The following TBC1D9B variants were observed in gnomAD, a reference collection of about 807,000 sequenced individuals.
The protein encoded by TBC1D9B is TBC1 domain family, member 9B (with GRAM domain).
In TBC1D9B, 87 loss-of-function variants were observed where a neutral mutation model predicts 121.1. That is an observed-to-expected ratio of 0.72 (90% CI 0.60 to 0.86). The LOEUF (loss-of-function observed/expected upper bound fraction) is 0.86, where lower values mean the gene tolerates loss of function less well. TBC1D9B is among the 40% of genes least tolerant of loss of function. The pLI is 0.00. For synonymous variants in TBC1D9B, 668 were observed against 670.1 expected (o/e 1.00, Z 0.05); for missense variants, 1,540 against 1,628.6 (o/e 0.95, Z 0.94).
chr5:179,866,257 C>T, intron 18 of TBC1D9B: 1 of 186,394 alleles, frequency 5.4e-6, no homozygotes, highest in South Asian at 9.4e-5. Context: ...GGGGAATGTT[C>T]CTGCTAGAAC....
chr5:179,875,932 T>C lies in TBC1D9B; in HGVS notation c.1888A>G (p.Thr630Ala). 6.2e-7 allele frequency: 1 copy of C among 1,606,742 alleles called. No individual in the cohort carries two copies. The highest frequency in any genetic ancestry group is 8.5e-7 in the Non-Finnish European group (1 of 1,177,346). ...CERMLPDYYN[T>A]RVVGALVDQG... is the part of the protein sequence containing the mutation. ...CGGGGACACTCACCCACCACCCTGG[T>C]GTTGTAGTAGTCGGGCAGCATGCGC... is the stretch of plus-strand genomic sequence containing the variant. Residue 630 changes from threonine to alanine, a missense_variant, in exon 11 of 21, where the codon ACC (threonine) becomes GCC (alanine). Thr to Ala is a moderately conservative substitution (Grantham distance 58). Coordinates refer to ENST00000355235, the MANE Select transcript of TBC1D9B (RefSeq NM_015043.4). This position sits in a 1 kb window ranked among gnomAD's most constrained non-coding sequence, Gnocchi z 4.5.
rs1760745206 is a variant in TBC1D9B at position 179,888,129 on chromosome 5, C to T, written c.1228G>A (p.Ala410Thr). Residue 410 changes from alanine (A) to threonine (T), a missense_variant, in exon 7 of 21, where the codon GCC (alanine) becomes ACC (threonine). By Grantham distance (58) the Ala-to-Thr change is moderately conservative. Transcript: ENST00000355235. ...KQPGSIGSRK[A>T]SVVDPSTESS... The stretch of plus-strand genomic sequence containing the variant: ...TCTGTGCTAGGGTCCACAACACTGG[C>T]TTTCCTGCTCCCGATACTGCCTGGC... 1 of 1,613,712 alleles carries T rather than the reference C, an allele frequency of 6.2e-7. No homozygotes were observed. Among genetic ancestry groups the T allele is most frequent in the Non-Finnish European group, 8.5e-7 (1 of 1,179,978 alleles).
Position 179,891,262 on chromosome 5 carries a change from G to T in TBC1D9B, c.1044+117C>A. ...GAGTGACATGTGACTGCCTGGGCTA[G>T]GGCATCCTCCCAGGTACCCCCCAGT... On this transcript the variant is annotated intron_variant, in intron 6 of 20. Coordinates refer to ENST00000355235, the MANE Select transcript of TBC1D9B (RefSeq NM_015043.4). The surrounding 1 kb of genome is among the most constrained non-coding windows in gnomAD (Gnocchi z 4.3). 1 of 1,201,622 alleles carries T rather than the reference G, an allele frequency of 8.3e-7. No individual in the cohort carries two copies. The allele number at this position is 1,201,622 out of a possible 1,614,324, so 74.4% of individuals were successfully genotyped here.
intron 2 of TBC1D9B, among the ~76,000 whole-genome samples, chr5:179,901,826 C>T (rs1761174299): frequency 6.6e-6 from 1 of 152,236 alleles, no homozygotes. Flanking sequence ...GTAACTCAAT[C>T]TTCATTTCAT....
Position 179,865,680 on chromosome 5 carries a change from A to G in TBC1D9B, c.2914+158T>C, listed in dbSNP as rs1561631596. 4 of 819,118 alleles carry G rather than the reference A, an allele frequency of 4.9e-6. No individual in the cohort carries two copies. In the East Asian group the frequency reaches 1.0e-4, roughly 21 times the overall value. The allele number at this position is 819,118 out of a possible 1,614,324, so 50.7% of individuals were successfully genotyped here. A position where few individuals can be genotyped will look rare whatever the true frequency, so the allele number is the denominator to read the frequency against. ...CCCGTGGGGCTGGTGGAGAGCGTGGAGCCTCCTGTGCATCCCGAGGCCTGC... is the reference window on the plus strand; with the variant it reads ...CCCGTGGGGCTGGTGGAGAGCGTGGGGCCTCCTGTGCATCCCGAGGCCTGC... On this transcript the variant is annotated intron_variant, in intron 19 of 20. Coordinates refer to ENST00000355235, the MANE Select transcript of TBC1D9B (RefSeq NM_015043.4). This position sits in a 1 kb window ranked among gnomAD's most constrained non-coding sequence, Gnocchi z 5.1.
chr5:179,892,245 C>T (rs960059583), intron 5 of TBC1D9B, among the ~76,000 whole-genome samples: 1 of 152,262 alleles, frequency 6.6e-6, no homozygotes. Flanking sequence ...CAGGAGCAGT[C>T]ATGTTCCATC....
intron 10 of TBC1D9B, 94 bp downstream of exon 10, chr5:179,878,215 G>A (rs1760417331): frequency 7.5e-7 from 1 of 1,325,984 alleles, no homozygotes; most frequent in African/African-American, 1.5e-5. Context: ...GGGACACAAG[G>A]CAGGGTCACC....
intron 14 of TBC1D9B, chr5:179,872,686 C>A (rs954542242): frequency 5.2e-6 from 3 of 581,062 alleles, no homozygotes; most frequent in Admixed American, 3.1e-5. Context: ...GGTGACACAT[C>A]CACCAGCAGA....
At chr5:179,892,236 AG>A (rs1174428735) in intron 5 of TBC1D9B, among the ~76,000 whole-genome samples, 1 of 152,244 alleles carries the variant, frequency 6.6e-6, no homozygotes, top group Non-Finnish European at 1.5e-5. Flanking sequence ...CGGCAGTGCC[AG>A]GAGCAGTCAT....
chr5:179,907,629 C>G lies in TBC1D9B; in HGVS notation c.118+75G>C. The stretch of plus-strand genomic sequence containing the variant: ...CGAGGCCGGGCCGGAACCGGACCCG[C>G]CCGCCGCCCGCCGCCAGCCCCGCCG... On this transcript the variant is annotated intron_variant, in intron 1 of 20. Transcript: ENST00000355235. The surrounding 1 kb of genome is among the most constrained non-coding windows in gnomAD (Gnocchi z 5.3). 1.2e-6 allele frequency: 1 copy of G among 820,124 alleles called. No homozygotes were observed. The highest frequency in any genetic ancestry group is 1.5e-6 in the Non-Finnish European group (1 of 681,632). The allele number at this position is 820,124 out of a possible 1,614,324, so 50.8% of individuals were successfully genotyped here. A position where few individuals can be genotyped will look rare whatever the true frequency, so the allele number is the denominator to read the frequency against.
chr5:179,882,567 C>T (rs574228876), intron 7 of TBC1D9B, among the ~76,000 whole-genome samples: 2 of 152,222 alleles, frequency 1.3e-5, no homozygotes, highest in East Asian at 3.9e-4. Context: ...TATTGTATAT[C>T]TTAAAAATGT....
intron 6 of TBC1D9B, 107 bp from the exon 7 acceptor site, chr5:179,888,419 T>C: frequency 3.6e-6 from 4 of 1,117,440 alleles, no homozygotes; most frequent in Non-Finnish European, 5.1e-6. Context: ...CTGGGCACAA[T>C]GCAGTGAGTG....
rs2004397879 is a variant in TBC1D9B at position 179,875,296 on chromosome 5, G to A, written c.1901-109C>T. On this transcript the variant is annotated intron_variant, in intron 11 of 20. Coordinates refer to ENST00000355235, the MANE Select transcript of TBC1D9B (RefSeq NM_015043.4). This position sits in a 1 kb window ranked among gnomAD's most constrained non-coding sequence, Gnocchi z 4.5. ...ACTCCAGCCCTGCCAGCTGTGCAGT[G>A]AGGGCTGAGGGAGACTTGGAGTGCT... 6 of 1,337,284 alleles carry A rather than the reference G, an allele frequency of 4.5e-6. No individual in the cohort carries two copies. Among genetic ancestry groups the A allele is most frequent in the South Asian group, 1.5e-5 (1 of 68,882 alleles). 82.8% of individuals were successfully genotyped at this position (1,337,284 alleles called of 1,614,324 possible). A position where few individuals can be genotyped will look rare whatever the true frequency, so the allele number is the denominator to read the frequency against.
intron 7 of TBC1D9B, among the ~76,000 whole-genome samples, chr5:179,882,404 A>G (rs1024999275): frequency 2.6e-5 from 4 of 152,164 alleles, no homozygotes; most frequent in Non-Finnish European, 5.9e-5. Context: ...AGCTGCTTCC[A>G]TCACTCCTTG....
Position 179,874,394 on chromosome 5 carries a change from A to G in TBC1D9B, c.2186+508T>C, listed in dbSNP as rs894973469. ...CTGCAAGAGATGGGATGTGGGGACT[A>G]AGGAGGGGGTGGAGGGGCTGGGATG... On this transcript the variant is annotated intron_variant, in intron 12 of 20. Transcript: ENST00000355235. This position sits in a 1 kb window ranked among gnomAD's most constrained non-coding sequence, Gnocchi z 4.3. 6.6e-6 allele frequency among the ~76,000 whole-genome samples: 1 copy of G among 151,974 alleles called. No individual in the cohort carries two copies. Among genetic ancestry groups the G allele is most frequent in the Non-Finnish European group, 1.5e-5 (1 of 67,966 alleles).
intron 2 of TBC1D9B, among the ~76,000 whole-genome samples, chr5:179,901,108 C>T (rs1271510799): frequency 2.0e-5 from 3 of 152,188 alleles, no homozygotes; most frequent in Non-Finnish European, 2.9e-5. Flanking sequence ...TAGATCCTCC[C>T]GATTGGCCTG....
At chr5:179,905,426 GTTTCTTTTAGCCTCAA>G (rs1374283115) in intron 1 of TBC1D9B, among the ~76,000 whole-genome samples, 1 of 151,920 alleles carries the variant, frequency 6.6e-6, no homozygotes, top group South Asian at 2.1e-4. Flanking sequence ...GTTTAAGGAA[GTTTCTTTTAGCCTCAA>G]AAAATCATAA....
chr5:179,877,677 A>G (rs1368087051), intron 10 of TBC1D9B, among the ~76,000 whole-genome samples: 2 of 151,210 alleles, frequency 1.3e-5, no homozygotes, highest in Non-Finnish European at 2.9e-5. Context: ...AAAAAAAAAA[A>G]AAAAAAGAAA....
chr5:179,863,530 C>T lies in TBC1D9B; in HGVS notation c.3620G>A (p.Gly1207Glu). ...TTTCTTTTGGTCCTTGATCTTGAGTCCAATGTCCACTCTCTTCTCAAAGAA... is the reference window on the plus strand; with the variant it reads ...TTTCTTTTGGTCCTTGATCTTGAGTTCAATGTCCACTCTCTTCTCAAAGAA... ...VNFFEKRVDIGLKIKDQKKVE... is the reference protein window; with the variant it reads ...VNFFEKRVDIELKIKDQKKVE... The change falls in exon 21 of 21, where the codon GGA (glycine) becomes GAA (glutamate). Residue 1207 changes from glycine (G) to glutamate (E), a missense_variant. Coordinates refer to ENST00000355235, the MANE Select transcript of TBC1D9B (RefSeq NM_015043.4). The surrounding 1 kb of genome is among the most constrained non-coding windows in gnomAD (Gnocchi z 4.5). 1 of 1,614,176 alleles carries T rather than the reference C, an allele frequency of 6.2e-7. No individual in the cohort carries two copies. The highest frequency in any genetic ancestry group is 8.5e-7 in the Non-Finnish European group (1 of 1,180,028).
Sources: allele counts gnomAD v4.1 joint callset (sites outside exome capture counted in the v4.1 genomes callset), GRCh38; gene constraint gnomAD v4.1.1; non-coding constraint Gnocchi (gnomAD v3.1); transcripts MANE v1.5; gene names NCBI Gene and HGNC (gene_info 2026-07-23, HGNC 2026-07-21).